Variants in ST8SIA2 observed in about 807,000 individuals in gnomAD.
ST8SIA2 encodes ST8 alpha-N-acetyl-neuraminide alpha-2,8-sialyltransferase 2.
Under a neutral mutation model 37.6 loss-of-function variants are expected in ST8SIA2, and 22 were observed. That is an observed-to-expected ratio of 0.58 (90% CI 0.42 to 0.83). The LOEUF is 0.83. Among genes scored for constraint, ST8SIA2 ranks in the 40% least tolerant of loss-of-function variants. The pLI, the probability that ST8SIA2 is intolerant of heterozygous loss-of-function variation, is 0.00. For synonymous variants in ST8SIA2, 205 were observed against 201.2 expected (o/e 1.02, Z -0.16); for missense variants, 382 against 484.7 (o/e 0.79, Z 1.99).
chr15:92,438,597 A>T lies in ST8SIA2; in HGVS notation c.535A>T (p.Ser179Cys). Reference sequence around the variant, plus strand: ...CTGTGGGCAGGAGATTGACGCCCACAGCTTCGTCATCAGGTAACATGCCCC... The same window carrying T: ...CTGTGGGCAGGAGATTGACGCCCACTGCTTCGTCATCAGGTAACATGCCCC... Reference protein sequence around the residue: ...SGCGQEIDAHSFVIRCNLAPV... With the variant: ...SGCGQEIDAHCFVIRCNLAPV... Residue 179 changes from serine to cysteine, a missense_variant, in exon 4 of 6, where the codon AGC becomes TGC. Coordinates refer to ENST00000268164, the MANE Select transcript of ST8SIA2 (RefSeq NM_006011.4). 6.2e-7 allele frequency: 1 copy of T among 1,607,866 alleles called. No homozygotes were observed. Among genetic ancestry groups the T allele is most frequent in the Non-Finnish European group, 8.5e-7 (1 of 1,176,400 alleles).
chr15:92,422,099 T>C (rs2049639107), intron 1 of ST8SIA2: 1 of 152,202 alleles, frequency 6.6e-6, no homozygotes, highest in African/African-American at 2.4e-5. Flanking sequence ...CCTAAAATAT[T>C]TACATTTGGC....
At chr15:92,404,457 T>C (rs1192742502) in intron 1 of ST8SIA2, among the ~76,000 whole-genome samples, 1 of 151,922 alleles carries the variant, frequency 6.6e-6, no homozygotes, top group African/African-American at 2.4e-5. Context: ...AGTATGACGG[T>C]TCCTCAAAAA....
rs1478743278 is a variant in ST8SIA2 at position 92,466,126 on chromosome 15, C to A, written c.*1741C>A. On this transcript the variant is annotated 3_prime_UTR_variant, in exon 6 of 6. Transcript: ENST00000268164. ...GGAGGCGGCAGAACCATTAACCCTA[C>A]ACAAGAACACTCCAGCCCAAAACCG... 1.3e-5 allele frequency: 2 copies of A among 152,152 alleles called. No homozygotes were observed. Among genetic ancestry groups the A allele is most frequent in the African/African-American group, 4.8e-5 (2 of 41,424 alleles). 9.4% of individuals were successfully genotyped at this position (152,152 alleles called of 1,614,324 possible). A position where few individuals can be genotyped will look rare whatever the true frequency, so the allele number is the denominator to read the frequency against.
intron 1 of ST8SIA2, among the ~76,000 whole-genome samples, chr15:92,420,623 T>C (rs1222098720): frequency 6.6e-6 from 1 of 152,162 alleles, no homozygotes; most frequent in Non-Finnish European, 1.5e-5. Flanking sequence ...CCAATCAAGC[T>C]AATGTTTAAA....
chr15:92,419,456 T>C (rs2141819002), intron 1 of ST8SIA2, among the ~76,000 whole-genome samples: 1 of 152,226 alleles, frequency 6.6e-6, no homozygotes, highest in Middle Eastern at 3.4e-3. Context: ...ACACTGGGTG[T>C]GCGGGAAATA....
intron 4 of ST8SIA2, among the ~76,000 whole-genome samples, chr15:92,441,389 T>A (rs1469087164): frequency 6.6e-6 from 1 of 152,150 alleles, no homozygotes; most frequent in East Asian, 1.9e-4. Context: ...GGCAGATGCA[T>A]GGATCCGGCA....
chr15:92,398,130 T>A (rs772358542), intron 1 of ST8SIA2, among the ~76,000 whole-genome samples: 31 of 151,970 alleles, frequency 2.0e-4, no homozygotes, highest in Non-Finnish European at 3.7e-4. Flanking sequence ...CGAGACTCCA[T>A]CTCAAAAAAA....
chr15:92,444,545 A>C (rs1260224969), intron 4 of ST8SIA2, 91 bp from the exon 5 acceptor site: 2 of 1,530,870 alleles, frequency 1.3e-6, no homozygotes, highest in African/African-American at 2.7e-5. Context: ...GATGAGAAAG[A>C]AGCAAGGAGA....
chr15:92,420,118 G>C (rs2049622088), intron 1 of ST8SIA2, among the ~76,000 whole-genome samples: 1 of 152,146 alleles, frequency 6.6e-6, no homozygotes, highest in South Asian at 2.1e-4. Flanking sequence ...GCCTGCCTTG[G>C]CCTCCCAAAG....
rs749758535 is a variant in ST8SIA2, at chr15:92,464,352, A to G, written c.1095A>G (p.Lys365=). 3.1e-6 allele frequency: 5 copies of G among 1,613,862 alleles called. No homozygotes were observed. The highest frequency in any genetic ancestry group is 4.2e-6 in the Non-Finnish European group (5 of 1,179,988). The change falls in exon 6 of 6, where the codon AAA becomes AAG. Residue 365 remains lysine, a synonymous_variant. Coordinates refer to ENST00000268164, the MANE Select transcript of ST8SIA2 (RefSeq NM_006011.4). ...GCCTACATGAGCAGGGGGCTTTGAA[A>G]CTGACTGTCGGCCAGTGCGATGGGG... ...LKSLHEQGAL[K]LTVGQCDGAT
intron 1 of ST8SIA2, among the ~76,000 whole-genome samples, chr15:92,402,661 A>G (rs2049479875): frequency 6.6e-6 from 1 of 152,202 alleles, no homozygotes; most frequent in African/African-American, 2.4e-5. Flanking sequence ...ATAATGGGAC[A>G]TGGCAGCCAA....
intron 2 of ST8SIA2, among the ~76,000 whole-genome samples, chr15:92,430,402 A>G (rs2049706711): frequency 6.6e-6 from 1 of 152,218 alleles, no homozygotes; most frequent in African/African-American, 2.4e-5. Context: ...GCTTACTCAA[A>G]CTTGCATGTT....
intron 1 of ST8SIA2, among the ~76,000 whole-genome samples, chr15:92,399,450 G>A (rs533642653): frequency 1.3e-5 from 2 of 152,328 alleles, no homozygotes; most frequent in Admixed American, 6.5e-5. Flanking sequence ...CGAGATCTGT[G>A]AGCAGGCAGC....
chr15:92,434,868 C>T (rs1048717272), intron 3 of ST8SIA2, among the ~76,000 whole-genome samples: 23 of 152,100 alleles, frequency 1.5e-4, no homozygotes, highest in African/African-American at 3.4e-4. Flanking sequence ...TAGGGGCATC[C>T]GGAGAACCCA....
intron 1 of ST8SIA2, among the ~76,000 whole-genome samples, chr15:92,403,325 C>G (rs1029655036): frequency 2.0e-5 from 3 of 152,274 alleles, no homozygotes; most frequent in East Asian, 1.9e-4. Context: ...CTGCTCACCC[C>G]CATTCCTCAT....
chr15:92,414,816 C>G (rs2141814673), intron 1 of ST8SIA2, among the ~76,000 whole-genome samples: 1 of 152,370 alleles, frequency 6.6e-6, no homozygotes, highest in East Asian at 1.9e-4. Flanking sequence ...CCGTACCCAC[C>G]ACAAGCTATC....
intron 1 of ST8SIA2, among the ~76,000 whole-genome samples, chr15:92,408,135 GCA>G (rs2049521524): frequency 6.6e-6 from 1 of 152,026 alleles, no homozygotes; most frequent in Non-Finnish European, 1.5e-5. Context: ...AAACGGCCCA[GCA>G]CACAACAAAA....
chr15:92,408,025 G>C, intron 1 of ST8SIA2, among the ~76,000 whole-genome samples: 1 of 152,162 alleles, frequency 6.6e-6, no homozygotes, highest in Non-Finnish European at 1.5e-5. Flanking sequence ...CTGGATGGCA[G>C]CAAACTCATG....
chr15:92,425,731 A>G (rs1596237830), intron 1 of ST8SIA2, among the ~76,000 whole-genome samples: 1 of 152,102 alleles, frequency 6.6e-6, no homozygotes, highest in African/African-American at 2.4e-5. Flanking sequence ...GGCTAGTTTG[A>G]GTAACTTCAG....
Sources: allele counts gnomAD v4.1 joint callset (sites outside exome capture counted in the v4.1 genomes callset), GRCh38; gene constraint gnomAD v4.1.1; transcripts MANE v1.5; gene names NCBI Gene and HGNC (gene_info 2026-07-23, HGNC 2026-07-21).